The following TNIK variants were observed in gnomAD, a reference collection of about 807,000 sequenced individuals.
TNIK encodes TRAF2 and NCK interacting kinase, also known as TRAF2 and NCK-interacting protein kinase.
Under a neutral mutation model 191.3 loss-of-function variants are expected in TNIK, and 49 were observed. The ratio of observed to expected loss-of-function variants is 0.26; its 90% CI spans 0.20 to 0.32. TNIK has a LOEUF of 0.32. Among genes scored for constraint, TNIK ranks in the 10% least tolerant of loss-of-function variants. The pLI, the probability that TNIK is intolerant of heterozygous loss-of-function variation, is 1.00. For synonymous variants in TNIK, 594 were observed against 600.9 expected (o/e 0.99, Z 0.17); for missense variants, 1,155 against 1,702.3 (o/e 0.68, Z 5.66).
rs894065979 is a variant in TNIK at position 171,087,922 on chromosome 3, C to T, written c.2722-416G>A. Among the ~76,000 whole-genome samples, 6 of 152,176 alleles carry T rather than the reference C, an allele frequency of 3.9e-5. No individual in the cohort carries two copies. The East Asian group carries it at 5.8e-4, about 15-fold the overall frequency. ...GAAACAAACCCACACAACAGATAAA[C>T]GACCTAAAGTGTTGCTGAAAAGAAG... On this transcript the variant is annotated intron_variant, in intron 23 of 32. Transcript: ENST00000436636.
At chr3:171,274,884 A>G (rs528817718) in intron 2 of TNIK, among the ~76,000 whole-genome samples, 5 of 152,348 alleles carry the variant, frequency 3.3e-5, no homozygotes, top group Admixed American at 6.5e-5. Flanking sequence ...CAGTGTAGAA[A>G]TTTATGGGCA....
chr3:171,274,786 T>C (rs1487281893), intron 2 of TNIK, among the ~76,000 whole-genome samples: 3 of 152,140 alleles, frequency 2.0e-5, no homozygotes, highest in African/African-American at 7.2e-5. Context: ...TAAAATGGCA[T>C]AATATCCTGA....
Position 171,139,814 on chromosome 3 carries a change from A to G in TNIK, c.1333-258T>C, listed in dbSNP as rs561379929. On this transcript the variant is annotated intron_variant, in intron 13 of 32. Coordinates refer to ENST00000436636, the MANE Select transcript of TNIK (RefSeq NM_015028.4). ...ATTTTACTGCTACTACTTGGTTTTA[A>G]TAAGCCCAGCTACATGTTAAAGCTT... Among the ~76,000 whole-genome samples, 13 of 152,356 alleles carry G rather than the reference A, an allele frequency of 8.5e-5. No homozygotes were observed. The East Asian group carries it at 1.7e-3, about 20-fold the overall frequency.
chr3:171,362,190 C>A (rs911212495), intron 2 of TNIK, among the ~76,000 whole-genome samples: 3 of 152,148 alleles, frequency 2.0e-5, no homozygotes. Context: ...CTCTATTAAC[C>A]TATCTTCTCT....
chr3:171,421,184 C>T (rs1415906166), intron 1 of TNIK, among the ~76,000 whole-genome samples: 1 of 152,104 alleles, frequency 6.6e-6, no homozygotes, highest in Non-Finnish European at 1.5e-5. Context: ...AACTAAGTGC[C>T]TTTGATAGTT....
At chr3:171,371,460 C>T (rs1004627764) in intron 1 of TNIK, among the ~76,000 whole-genome samples, 2 of 152,202 alleles carry the variant, frequency 1.3e-5, no homozygotes, top group African/African-American at 4.8e-5. Context: ...GTTAGCACTA[C>T]ATTACCTGCT....
intron 1 of TNIK, among the ~76,000 whole-genome samples, chr3:171,446,337 C>T (rs1195123024): frequency 6.6e-6 from 1 of 152,136 alleles, no homozygotes; most frequent in Non-Finnish European, 1.5e-5. Flanking sequence ...GTTCCACCCA[C>T]CACACTGCTA....
chr3:171,322,303 CTAAT>C (rs1223751933), intron 2 of TNIK, among the ~76,000 whole-genome samples: 2 of 151,874 alleles, frequency 1.3e-5, no homozygotes, highest in African/African-American at 4.8e-5. Context: ...CAATACATTA[CTAAT>C]TAATTTTAAT....
chr3:171,122,784 A>AT lies in TNIK; in HGVS notation c.2120+811dup, dbSNP rs1727934466. Among the ~76,000 whole-genome samples the AT allele has an allele frequency of 3.3e-5, 5 of 152,340 alleles. No homozygotes were observed. In the South Asian group the frequency reaches 1.0e-3, roughly 32 times the overall value. On this transcript the variant is annotated intron_variant, in intron 18 of 32. Coordinates refer to ENST00000436636, the MANE Select transcript of TNIK (RefSeq NM_015028.4). The stretch of plus-strand genomic sequence containing the variant: ...CCTTTTTATAGCCTTAGCAGAGGCC[A>AT]TTTGCTATTTCAGTTGATCCTAAAA...
At chr3:171,354,798 C>T (rs187468537) in intron 2 of TNIK, among the ~76,000 whole-genome samples, 36 of 152,264 alleles carry the variant, frequency 2.4e-4, no homozygotes, top group African/African-American at 8.7e-4. Flanking sequence ...AGAGAGGTAA[C>T]ACCATGATGC....
chr3:171,364,200 C>A (rs1167330257), intron 2 of TNIK, among the ~76,000 whole-genome samples: 1 of 152,110 alleles, frequency 6.6e-6, no homozygotes, highest in Non-Finnish European at 1.5e-5. Context: ...CATTTTAAAT[C>A]CTTTCCCAAA....
intron 1 of TNIK, among the ~76,000 whole-genome samples, chr3:171,393,752 AAGGG>A (rs1202502715): frequency 6.6e-6 from 1 of 152,228 alleles, no homozygotes; most frequent in Non-Finnish European, 1.5e-5. Context: ...TTGTCAAACT[AAGGG>A]AAGCTATACA....
At chr3:171,080,553 C>T (rs1720540982) in intron 27 of TNIK, among the ~76,000 whole-genome samples, 1 of 152,046 alleles carries the variant, frequency 6.6e-6, no homozygotes, top group Admixed American at 6.5e-5. Context: ...TCTCCTGCCT[C>T]AGCCTCCCAA....
chr3:171,401,736 T>G (rs1186756022), intron 1 of TNIK, among the ~76,000 whole-genome samples: 1 of 152,144 alleles, frequency 6.6e-6, no homozygotes, highest in Non-Finnish European at 1.5e-5. Context: ...GTCAGATTAA[T>G]CTATATGTGG....
At chr3:171,181,517 C>T (rs1011177238) in intron 7 of TNIK, among the ~76,000 whole-genome samples, 11 of 152,222 alleles carry the variant, frequency 7.2e-5, no homozygotes, top group Non-Finnish European at 1.5e-4. Flanking sequence ...GACTCCCCGA[C>T]AGCTAAGGAT....
At chr3:171,425,923 G>C (rs189976267) in intron 1 of TNIK, among the ~76,000 whole-genome samples, 57 of 152,188 alleles carry the variant, frequency 3.7e-4, no homozygotes, top group African/African-American at 1.3e-3. Context: ...TGGAGAGCAT[G>C]TGGAGAAATA....
chr3:171,231,362 AG>A lies in TNIK; in HGVS notation c.124-3142del, dbSNP rs1385726138. Among the ~76,000 whole-genome samples, 3 of 151,614 alleles carry A rather than the reference AG, an allele frequency of 2.0e-5. No individual in the cohort carries two copies. The South Asian group carries it at 6.2e-4, about 32-fold the overall frequency. On this transcript the variant is annotated intron_variant, in intron 2 of 32. Coordinates refer to ENST00000436636, the MANE Select transcript of TNIK (RefSeq NM_015028.4). ...AAGTAGCCACTATGAAAATGATGGA[AG>A]GTAACACTGGAAAAGAAAACAACAC...
Position 171,079,633 on chromosome 3 carries a change from T to C in TNIK, c.3333A>G (p.Arg1111=). The change falls in exon 28 of 33, where the codon CGA becomes CGG. Residue 1111 remains arginine (R), a synonymous_variant. Coordinates refer to ENST00000436636, the MANE Select transcript of TNIK (RefSeq NM_015028.4). ...VTISGKKNKL[R]VYYLSWLRNR... ...TTCTTAACCATGAAAGATAGTAAAC[T>C]CGTAGCTTATTCTTCTTTCCTGTTG... is the stretch of plus-strand genomic sequence containing the variant. 1 of 1,611,452 alleles carries C rather than the reference T, an allele frequency of 6.2e-7. No homozygotes were observed. Among genetic ancestry groups the C allele is most frequent in the Non-Finnish European group, 8.5e-7 (1 of 1,178,740 alleles).
At chr3:171,450,921 T>C (rs1041072071) in intron 1 of TNIK, among the ~76,000 whole-genome samples, 3 of 152,200 alleles carry the variant, frequency 2.0e-5, no homozygotes, top group Non-Finnish European at 4.4e-5. Context: ...AGCCAGATTT[T>C]TAAAAAATTC....
Sources: gnomAD v4.1 joint callset for allele counts (sites outside exome capture counted in the v4.1 genomes callset) on GRCh38, gnomAD v4.1.1 for gene constraint, MANE v1.5 for transcripts, NCBI Gene and HGNC (gene_info 2026-07-23, HGNC 2026-07-21) for gene names.